Variants in SLC35D4 observed in about 807,000 individuals in gnomAD.
SLC35D4 encodes the protein solute carrier family 35 member D4, also known as UDP-N-acetylglucosamine transporter SLC35D4.
At chr18:23,315,798 T>C in the SLC35D4 span, among the ~76,000 whole-genome samples, 1 of 152,118 alleles carries the variant, frequency 6.6e-6, no homozygotes, top group South Asian at 2.1e-4. Flanking sequence ...ACGATTCTAA[T>C]TGGCTCCTGG....
At chr18:23,384,177 G>A in the SLC35D4 span, among the ~76,000 whole-genome samples, 1 of 152,200 alleles carries the variant, frequency 6.6e-6, no homozygotes, top group East Asian at 1.9e-4. Flanking sequence ...TGTAGTCTCA[G>A]CTGCTCAGGA....
the SLC35D4 span, among the ~76,000 whole-genome samples, chr18:23,348,134 G>A: frequency 6.6e-6 from 1 of 152,088 alleles, no homozygotes; most frequent in African/African-American, 2.4e-5. Context: ...CAACTAAATG[G>A]GGTTTTTCTA....
chr18:23,321,609 C>T, the SLC35D4 span, among the ~76,000 whole-genome samples: 2 of 152,160 alleles, frequency 1.3e-5, no homozygotes, highest in South Asian at 2.1e-4. Flanking sequence ...CATGTGCCAC[C>T]ACACCCAGCT....
chr18:23,251,212 GGAGGCA>G, the SLC35D4 span, among the ~76,000 whole-genome samples: 1 of 152,192 alleles, frequency 6.6e-6, no homozygotes. Flanking sequence ...CAGCACTTTG[GGAGGCA>G]GAGGCAGGTG....
chr18:23,400,039 A>G, the SLC35D4 span, among the ~76,000 whole-genome samples: 1 of 152,208 alleles, frequency 6.6e-6, no homozygotes. Flanking sequence ...AGGCTACACC[A>G]AACAGCTCCG....
the SLC35D4 span, among the ~76,000 whole-genome samples, chr18:23,419,713 C>T: frequency 2.6e-5 from 4 of 152,164 alleles, no homozygotes; most frequent in South Asian, 4.2e-4. Context: ...AGCATACCAT[C>T]GAGATAACTG....
At chr18:23,329,389 G>A in the SLC35D4 span, among the ~76,000 whole-genome samples, 1 of 152,122 alleles carries the variant, frequency 6.6e-6, no homozygotes, top group Non-Finnish European at 1.5e-5. Flanking sequence ...ATCAATAAGT[G>A]GGCAAAGGAT....
At chr18:23,361,100 T>C in the SLC35D4 span, among the ~76,000 whole-genome samples, 20 of 30,088 alleles carry the variant, frequency 6.6e-4, no homozygotes, top group Non-Finnish European at 1.3e-3. Context: ...CGAGACTTTG[T>C]CTCAAAAAAA....
At chr18:23,346,528 T>C in the SLC35D4 span, among the ~76,000 whole-genome samples, 1 of 152,188 alleles carries the variant, frequency 6.6e-6, no homozygotes, top group Non-Finnish European at 1.5e-5. Context: ...TTTTTTTTTT[T>C]TCCTATTGCA....
the SLC35D4 span, among the ~76,000 whole-genome samples, chr18:23,281,849 C>T: frequency 6.6e-6 from 1 of 152,196 alleles, no homozygotes; most frequent in Non-Finnish European, 1.5e-5. Context: ...GAACAGCCCT[C>T]CTAGACAAAG....
the SLC35D4 span, among the ~76,000 whole-genome samples, chr18:23,360,938 C>T: frequency 6.6e-6 from 1 of 151,526 alleles, no homozygotes; most frequent in Non-Finnish European, 1.5e-5. Context: ...CCCGTCTCTA[C>T]TAAAAATACA....
the SLC35D4 span, among the ~76,000 whole-genome samples, chr18:23,262,937 G>C: frequency 7.7e-4 from 117 of 152,362 alleles, no homozygotes; most frequent in Non-Finnish European, 1.3e-3. Context: ...GACGTGAACT[G>C]TGATAGGCAG....
the SLC35D4 span, among the ~76,000 whole-genome samples, chr18:23,391,109 C>T: frequency 2.0e-5 from 3 of 151,796 alleles, no homozygotes; most frequent in Non-Finnish European, 4.4e-5. Flanking sequence ...ACCTGTAATC[C>T]CAGCTACTCA....
the SLC35D4 span, among the ~76,000 whole-genome samples, chr18:23,244,959 C>G: frequency 6.6e-6 from 1 of 152,220 alleles, no homozygotes; most frequent in African/African-American, 2.4e-5. Context: ...GCTTTATCCG[C>G]CCTAGAGCGG....
chr18:23,379,862 G>A, the SLC35D4 span, among the ~76,000 whole-genome samples: 3 of 152,064 alleles, frequency 2.0e-5, no homozygotes, highest in Non-Finnish European at 2.9e-5. Context: ...TGGGGAGGCC[G>A]AGGAGGGCAG....
chr18:23,257,370 C>G, the SLC35D4 span: 31 of 1,593,560 alleles, frequency 1.9e-5, no homozygotes, highest in Non-Finnish European at 2.4e-5. Context: ...GTTCCTAGCA[C>G]TGGCCCCGAG....
chr18:23,350,640 C>T, the SLC35D4 span, among the ~76,000 whole-genome samples: 1 of 152,164 alleles, frequency 6.6e-6, no homozygotes, highest in Admixed American at 6.5e-5. Context: ...CACTAGACCA[C>T]TGGTCCACTG....
At chr18:23,257,091 CT>C in the SLC35D4 span, 15 of 955,332 alleles carry the variant, frequency 1.6e-5, no homozygotes, top group Non-Finnish European at 2.3e-5. Context: ...GCCTCCCTTT[CT>C]TCCTCCACAG....
the SLC35D4 span, among the ~76,000 whole-genome samples, chr18:23,270,257 C>T: frequency 2.0e-5 from 3 of 152,324 alleles, no homozygotes; most frequent in South Asian, 2.1e-4. Context: ...AAGCCCCAAG[C>T]CTTGGTAGCT....
Sources: allele counts gnomAD v4.1 joint callset (sites outside exome capture counted in the v4.1 genomes callset), GRCh38; gene constraint gnomAD v4.1.1; transcripts MANE v1.5; gene names NCBI Gene and HGNC (gene_info 2026-07-23, HGNC 2026-07-21).